The following ADK variants were observed in gnomAD, a reference collection of about 807,000 sequenced individuals.
ADK encodes N6,N6-dimethyladenosine kinase.
In ADK, 24 loss-of-function variants were observed where a neutral mutation model predicts 44.7. The ratio of observed to expected loss-of-function variants is 0.54; its 90% CI spans 0.39 to 0.76. The LOEUF (loss-of-function observed/expected upper bound fraction) is 0.76. Among genes scored for constraint, ADK ranks in the 30% least tolerant of loss-of-function variants. The pLI is 0.00. For synonymous variants in ADK, 128 were observed against 142.6 expected (o/e 0.90, Z 0.73); for missense variants, 321 against 425.1 (o/e 0.76, Z 2.15).
intron 1 of ADK, among the ~76,000 whole-genome samples, chr10:74,192,461 T>C (rs994038008): frequency 6.6e-6 from 1 of 152,016 alleles, no homozygotes; most frequent in African/African-American, 2.4e-5. Flanking sequence ...CTCCTGACCT[T>C]GTGATCCGCC....
chr10:74,539,179 A>C (rs547093950), intron 7 of ADK, among the ~76,000 whole-genome samples: 2 of 152,222 alleles, frequency 1.3e-5, no homozygotes, highest in African/African-American at 4.8e-5. Context: ...TGTCAAGTCT[A>C]GTTCTTTTAT....
rs535359841 is a variant in ADK, at chr10:74,465,531, A to G, written c.556-59725A>G. On this transcript the variant is annotated intron_variant, in intron 6 of 10. Coordinates refer to ENST00000539909, the MANE Select transcript of ADK (RefSeq NM_006721.4). ...GGGTTATTCTCACTGTTATATGGAC[A>G]AAACTGAATGGGGCAAAGATAGAAA... 3.9e-5 allele frequency among the ~76,000 whole-genome samples: 6 copies of G among 152,338 alleles called. No individual in the cohort carries two copies. The South Asian group carries it at 1.2e-3, about 32-fold the overall frequency.
rs538151918 is a variant in ADK at position 74,276,980 on chromosome 10, C to T, written c.195-37687C>T. 1.1e-4 allele frequency among the ~76,000 whole-genome samples: 17 copies of T among 151,946 alleles called. No individual in the cohort carries two copies. In the East Asian group the frequency reaches 2.3e-3, roughly 21 times the overall value. On this transcript the variant is annotated intron_variant, in intron 3 of 10. Transcript: ENST00000539909. Reference sequence around the variant, plus strand: ...TTGCACAGACTGCAGTACAGTGGAACGATCTCAGCTCACTGCAAACTCCAC... The same window carrying T: ...TTGCACAGACTGCAGTACAGTGGAATGATCTCAGCTCACTGCAAACTCCAC...
intron 9 of ADK, among the ~76,000 whole-genome samples, chr10:74,608,191 G>A (rs1426216412): frequency 2.6e-5 from 4 of 151,534 alleles, no homozygotes; most frequent in Admixed American, 6.6e-5. Context: ...CCTTTAGCTC[G>A]GCGGAATTTG....
intron 3 of ADK, among the ~76,000 whole-genome samples, chr10:74,262,206 G>A (rs974969509): frequency 2.0e-5 from 3 of 151,528 alleles, no homozygotes; most frequent in Admixed American, 2.0e-4. Context: ...GTAAATCCCA[G>A]CCACGTGGGA....
At chr10:74,660,774 C>CT (rs1042819504) in intron 9 of ADK, among the ~76,000 whole-genome samples, 13 of 149,748 alleles carry the variant, frequency 8.7e-5, no homozygotes, top group Admixed American at 5.3e-4. Flanking sequence ...TGGCTCATGC[C>CT]TGTAATCCCA....
At chr10:74,270,067 G>A (rs936722927) in intron 3 of ADK, among the ~76,000 whole-genome samples, 3 of 152,106 alleles carry the variant, frequency 2.0e-5, no homozygotes, top group African/African-American at 7.2e-5. Flanking sequence ...TTAGTCCGAT[G>A]GTAATTAAAA....
chr10:74,622,912 C>T (rs1853047487), intron 9 of ADK, among the ~76,000 whole-genome samples: 1 of 152,078 alleles, frequency 6.6e-6, no homozygotes, highest in Non-Finnish European at 1.5e-5. Context: ...GAGGCTGAGG[C>T]AGGAGAATCG....
intron 9 of ADK, among the ~76,000 whole-genome samples, chr10:74,650,323 G>A (rs543974574): frequency 5.0e-4 from 76 of 152,216 alleles, no homozygotes; most frequent in South Asian, 1.2e-3. Flanking sequence ...GGGAAGCTGA[G>A]GCAGGAGAAT....
intron 1 of ADK, among the ~76,000 whole-genome samples, chr10:74,189,175 T>C (rs1370775901): frequency 1.3e-5 from 2 of 152,214 alleles, no homozygotes; most frequent in Non-Finnish European, 2.9e-5. Flanking sequence ...AATTTCGATG[T>C]GTTCAATTCA....
chr10:74,586,558 A>G (rs918931206), intron 7 of ADK, among the ~76,000 whole-genome samples: 1 of 152,162 alleles, frequency 6.6e-6, no homozygotes, highest in African/African-American at 2.4e-5. Flanking sequence ...TAATTTTTAA[A>G]AATAATTTTT....
At chr10:74,594,106 T>A (rs1851811722) in intron 8 of ADK, among the ~76,000 whole-genome samples, 1 of 151,554 alleles carries the variant, frequency 6.6e-6, no homozygotes. Context: ...AAACACTGCA[T>A]GTTCTCACTC....
At chr10:74,274,732 G>A (rs1282319973) in intron 3 of ADK, among the ~76,000 whole-genome samples, 38 of 84,176 alleles carry the variant, frequency 4.5e-4, no homozygotes, top group Admixed American at 1.6e-3. Context: ...TTTAATGTGT[G>A]TATATATATA....
chr10:74,498,018 T>C (rs1847752484), intron 6 of ADK, among the ~76,000 whole-genome samples: 1 of 152,000 alleles, frequency 6.6e-6, no homozygotes, highest in African/African-American at 2.4e-5. Context: ...GCCTCCCCAG[T>C]AGCTGGGACT....
chr10:74,302,868 C>T (rs1161181413), intron 3 of ADK, among the ~76,000 whole-genome samples: 1 of 151,890 alleles, frequency 6.6e-6, no homozygotes, highest in East Asian at 1.9e-4. Flanking sequence ...AAAAAACAAC[C>T]CAGGAATAAT....
chr10:74,241,649 G>A (rs774353765), intron 3 of ADK, among the ~76,000 whole-genome samples: 1 of 152,170 alleles, frequency 6.6e-6, no homozygotes, highest in Non-Finnish European at 1.5e-5. Context: ...GCCTCCCAAA[G>A]TGCTGGGATT....
At chr10:74,577,115 T>TGC (rs1468480285) in intron 7 of ADK, among the ~76,000 whole-genome samples, 2 of 129,432 alleles carry the variant, frequency 1.5e-5, no homozygotes, top group African/African-American at 7.6e-5. Flanking sequence ...TTTCTCTGTG[T>TGC]GTGTGTGTGT....
At chr10:74,512,122 G>A (rs1848357773) in intron 6 of ADK, among the ~76,000 whole-genome samples, 1 of 152,064 alleles carries the variant, frequency 6.6e-6, no homozygotes, top group South Asian at 2.1e-4. Flanking sequence ...GACATATGGT[G>A]GACCATCTTT....
At chr10:74,349,397 A>G (rs1392751191) in intron 4 of ADK, among the ~76,000 whole-genome samples, 1 of 152,210 alleles carries the variant, frequency 6.6e-6, no homozygotes, top group Non-Finnish European at 1.5e-5. Context: ...CCTGCCTTAC[A>G]AGAGCTCCTG....
Sources: gnomAD v4.1 joint callset for allele counts (sites outside exome capture counted in the v4.1 genomes callset) on GRCh38, gnomAD v4.1.1 for gene constraint, MANE v1.5 for transcripts, NCBI Gene and HGNC (gene_info 2026-07-23, HGNC 2026-07-21) for gene names.